The following ALDH1A2 variants were observed in gnomAD, a reference collection of about 807,000 sequenced individuals.
ALDH1A2 encodes retinal dehydrogenase 2.
Under a neutral mutation model 60.3 loss-of-function variants are expected in ALDH1A2, and 27 were observed. The observed-to-expected ratio is 0.45, with a 90% CI of 0.33 to 0.62. The LOEUF is 0.62. Ranked by LOEUF, ALDH1A2 falls within the 20% of genes least tolerant of loss-of-function variation. ALDH1A2 has a pLI of 0.02. For synonymous variants in ALDH1A2, 289 were observed against 232.4 expected (o/e 1.24, Z -2.21); for missense variants, 581 against 643.8 (o/e 0.90, Z 1.06).
intron 1 of ALDH1A2, 39 bp downstream of exon 1, chr15:58,065,495 A>G (rs1222635118): frequency 6.5e-7 from 1 of 1,533,002 alleles, no homozygotes; most frequent in South Asian, 1.1e-5. Context: ...AAGGTTCTAG[A>G]AAGTCTCCGT....
chr15:58,010,395 C>G (rs1211728023), intron 4 of ALDH1A2, among the ~76,000 whole-genome samples: 2 of 152,132 alleles, frequency 1.3e-5, no homozygotes, highest in African/African-American at 2.4e-5. Context: ...CACTTACCAG[C>G]TGACAAATAC....
At chr15:57,957,782 A>T (rs184467856) in intron 12 of ALDH1A2, among the ~76,000 whole-genome samples, 1 of 152,288 alleles carries the variant, frequency 6.6e-6, no homozygotes, top group African/African-American at 2.4e-5. Context: ...TTGCTCATAA[A>T]ACAAGTAAGA....
chr15:58,006,121 G>C (rs1330200503), intron 4 of ALDH1A2, among the ~76,000 whole-genome samples: 1 of 151,556 alleles, frequency 6.6e-6, no homozygotes, highest in Non-Finnish European at 1.5e-5. Context: ...TGGTGCATCT[G>C]TCACCTGGGT....
chr15:58,008,126 C>A (rs957095388), intron 4 of ALDH1A2, among the ~76,000 whole-genome samples: 3 of 152,000 alleles, frequency 2.0e-5, no homozygotes, highest in African/African-American at 7.2e-5. Flanking sequence ...TTTGAGACAC[C>A]ATGGAGAGAG....
At chr15:57,957,401 T>C (rs1304392973) in intron 12 of ALDH1A2, among the ~76,000 whole-genome samples, 1 of 152,192 alleles carries the variant, frequency 6.6e-6, no homozygotes, top group Non-Finnish European at 1.5e-5. Context: ...CAGATGGTCA[T>C]GTGGGTCACA....
In ALDH1A2 at chr15:58,037,679, G is replaced by A. The variant is rs570481858; in HGVS notation, c.118-23398C>T. Among the ~76,000 whole-genome samples the A allele has an allele frequency of 3.3e-5, 5 of 151,698 alleles. No homozygotes were observed. In the East Asian group the frequency reaches 7.8e-4, roughly 24 times the overall value. ...TGGTTTTGGTCAATTTCTGCATTTA[G>A]CTAGTATCCCACATAATTCAGAAGA... is the stretch of plus-strand genomic sequence containing the variant. On this transcript the variant is annotated intron_variant, in intron 1 of 12. Transcript: ENST00000249750.
intron 7 of ALDH1A2, among the ~76,000 whole-genome samples, chr15:57,986,032 C>G (rs1279923840): frequency 2.0e-5 from 3 of 152,160 alleles, no homozygotes; most frequent in African/African-American, 4.8e-5. Context: ...TAAAGGTGAT[C>G]TGCATGAAAC....
intron 4 of ALDH1A2, among the ~76,000 whole-genome samples, chr15:58,005,036 T>A (rs1464941292): frequency 6.6e-6 from 1 of 151,844 alleles, no homozygotes; most frequent in Non-Finnish European, 1.5e-5. Context: ...GGTGACTCAC[T>A]ATTGCCTACA....
At chr15:58,036,011 A>T (rs915179643) in intron 1 of ALDH1A2, among the ~76,000 whole-genome samples, 4 of 151,730 alleles carry the variant, frequency 2.6e-5, no homozygotes, top group African/African-American at 9.7e-5. Flanking sequence ...TAATTAATCA[A>T]TACATTAAAA....
At chr15:58,003,190 C>G (rs771152736) in intron 4 of ALDH1A2, among the ~76,000 whole-genome samples, 54 of 151,842 alleles carry the variant, frequency 3.6e-4, no homozygotes, top group Non-Finnish European at 8.8e-5. Context: ...CAGCTTCAAC[C>G]TCTTAAAAAG....
chr15:58,014,666 T>A (rs1276033648), intron 1 of ALDH1A2, among the ~76,000 whole-genome samples: 1 of 152,224 alleles, frequency 6.6e-6, no homozygotes, highest in East Asian at 1.9e-4. Context: ...AAGCCTTAGA[T>A]CCTACTTTCT....
chr15:58,016,578 T>A (rs1384924299), intron 1 of ALDH1A2, among the ~76,000 whole-genome samples: 1 of 152,206 alleles, frequency 6.6e-6, no homozygotes, highest in Admixed American at 6.5e-5. Context: ...ACTCATTTTC[T>A]TCATCACTTA....
At chr15:57,994,414 C>A (rs1248721852) in intron 5 of ALDH1A2, among the ~76,000 whole-genome samples, 1 of 152,154 alleles carries the variant, frequency 6.6e-6, no homozygotes, top group Non-Finnish European at 1.5e-5. Context: ...CTTTGAGCAT[C>A]CCCTTGAAAT....
At chr15:57,981,209 C>T (rs1486398373) in intron 7 of ALDH1A2, among the ~76,000 whole-genome samples, 6 of 150,770 alleles carry the variant, frequency 4.0e-5, no homozygotes, top group Non-Finnish European at 8.9e-5. Context: ...CACTATTTTA[C>T]CAAAAAAGAA....
At chr15:58,003,369 A>G (rs1312217964) in intron 4 of ALDH1A2, among the ~76,000 whole-genome samples, 1 of 151,846 alleles carries the variant, frequency 6.6e-6, no homozygotes, top group East Asian at 1.9e-4. Context: ...ATGACAGTAA[A>G]CCAGATCAAG....
chr15:58,022,866 C>G (rs1029590687), intron 1 of ALDH1A2, among the ~76,000 whole-genome samples: 9 of 152,060 alleles, frequency 5.9e-5, no homozygotes, highest in Admixed American at 1.3e-4. Context: ...AAATTCCTCC[C>G]CTATGAAAGT....
intron 7 of ALDH1A2, among the ~76,000 whole-genome samples, chr15:57,972,914 GGA>G (rs1787764000): frequency 6.6e-6 from 1 of 152,164 alleles, no homozygotes; most frequent in African/African-American, 2.4e-5. Flanking sequence ...AAGCTAACTA[GGA>G]GAGAGCTGAC....
chr15:57,962,968 T>C (rs1351248596), intron 9 of ALDH1A2, among the ~76,000 whole-genome samples: 1 of 152,160 alleles, frequency 6.6e-6, no homozygotes, highest in African/African-American at 2.4e-5. Context: ...ACGGTGAACC[T>C]GCAGAGGAGG....
In ALDH1A2 at chr15:57,954,106, AC is replaced by A. The variant is rs1183181714; in HGVS notation, c.*1090del. On this transcript the variant is annotated 3_prime_UTR_variant, in exon 13 of 13. Transcript: ENST00000249750. ...TGGAACTTGGCAAATGGAAAAGGAAACCCCTAGGCTTGGCCAGATTTTCCAA... is the reference window on the plus strand; with the variant it reads ...TGGAACTTGGCAAATGGAAAAGGAAACCCTAGGCTTGGCCAGATTTTCCAA... 6.6e-6 allele frequency: 1 copy of A among 152,288 alleles called. No individual in the cohort carries two copies. The highest frequency in any genetic ancestry group is 1.5e-5 in the Non-Finnish European group (1 of 68,050). The allele number at this position is 152,288 out of a possible 1,614,324, so 9.4% of individuals were successfully genotyped here.
Sources: gnomAD v4.1 joint callset for allele counts (sites outside exome capture counted in the v4.1 genomes callset) on GRCh38, gnomAD v4.1.1 for gene constraint, MANE v1.5 for transcripts, NCBI Gene and HGNC (gene_info 2026-07-23, HGNC 2026-07-21) for gene names.